STAG1: variants seen among roughly 807,000 people sequenced by gnomAD.
STAG1 encodes the protein cohesin subunit SA-1.
In STAG1, 26 loss-of-function variants were observed where a neutral mutation model predicts 170.9. The observed-to-expected ratio is 0.15, with a 90% CI of 0.11 to 0.21. The LOEUF is 0.21. STAG1 is among the 10% of genes least tolerant of loss of function. The pLI, the probability that STAG1 is intolerant of heterozygous loss-of-function variation, is 1.00. For missense variants in STAG1, 964 were observed against 1,509.5 expected, an observed-to-expected ratio of 0.64 and a Z score of 5.99; for synonymous variants, 514 against 497.7, an observed-to-expected ratio of 1.03 and a Z score of -0.44.
At chr3:136,609,287 T>C (rs545010308) in intron 3 of STAG1, 13 of 152,096 alleles carry the variant, frequency 8.5e-5, no homozygotes, top group African/African-American at 2.7e-4. Context: ...CTGGGCAACA[T>C]GGCGAAACCC....
intron 15 of STAG1, among the ~76,000 whole-genome samples, chr3:136,436,292 T>G (rs2088460099): frequency 6.6e-6 from 1 of 151,798 alleles, no homozygotes; most frequent in African/African-American, 2.4e-5. Context: ...ATATTTTTGG[T>G]TTTTTTGGAA....
intron 4 of STAG1, among the ~76,000 whole-genome samples, chr3:136,595,440 A>C (rs1233362399): frequency 6.6e-6 from 1 of 151,984 alleles, no homozygotes; most frequent in Non-Finnish European, 1.5e-5. Context: ...ATAAATTTGA[A>C]CTTTCTACTT....
chr3:136,617,236 C>T (rs2107824094), intron 3 of STAG1, among the ~76,000 whole-genome samples: 1 of 152,320 alleles, frequency 6.6e-6, no homozygotes, highest in African/African-American at 2.4e-5. Context: ...TCTGCTGAGT[C>T]CCTCATACTA....
rs71157379 is a variant in STAG1 at position 136,420,244 on chromosome 3, C to CAA, written c.2108+847_2108+848dup. Among the ~76,000 whole-genome samples, 75 of 36,862 alleles carry CAA rather than the reference C, an allele frequency of 2.0e-3. 1 individual carries two copies. The highest frequency in any genetic ancestry group is 2.8e-3 in the Admixed American group (10 of 3,610). 24.2% of individuals were successfully genotyped at this position (36,862 alleles called of 152,430 possible). A position where few individuals can be genotyped will look rare whatever the true frequency, so the allele number is the denominator to read the frequency against. On this transcript the variant is annotated intron_variant, in intron 20 of 33. Transcript: ENST00000383202. ...TCTGGGCGACAGAGTGAGACTCTGT[C>CAA]AAAAAAAAAAAAAAAAAAAAAAAAG...
intron 3 of STAG1, among the ~76,000 whole-genome samples, chr3:136,611,083 A>T (rs1288292327): frequency 6.6e-6 from 1 of 152,208 alleles, no homozygotes; most frequent in Non-Finnish European, 1.5e-5. Context: ...ATGGAACTCA[A>T]GTCTAAACAT....
intron 1 of STAG1, among the ~76,000 whole-genome samples, chr3:136,733,866 A>G (rs1227303020): frequency 3.9e-5 from 6 of 152,288 alleles, no homozygotes; most frequent in Non-Finnish European, 8.8e-5. Flanking sequence ...CCAGCGCTTC[A>G]GGAGGCCAAG....
intron 15 of STAG1, among the ~76,000 whole-genome samples, chr3:136,442,602 G>T (rs961288531): frequency 3.2e-4 from 49 of 151,844 alleles, no homozygotes; most frequent in Non-Finnish European, 6.0e-4. Context: ...AACAAAAGAG[G>T]GGATGGCTGT....
At chr3:136,434,526 T>A (rs1243222559) in intron 15 of STAG1, among the ~76,000 whole-genome samples, 2 of 152,234 alleles carry the variant, frequency 1.3e-5, no homozygotes, top group Non-Finnish European at 2.9e-5. Flanking sequence ...TCACCTTTCT[T>A]ATCAATCTGA....
intron 9 of STAG1, among the ~76,000 whole-genome samples, chr3:136,492,969 G>C (rs1187023277): frequency 1.3e-5 from 2 of 152,182 alleles, no homozygotes; most frequent in Non-Finnish European, 2.9e-5. Context: ...CTAGAGCAGT[G>C]CTTTGTGGAA....
chr3:136,542,291 A>G (rs1935948384), intron 5 of STAG1, 96 bp from the exon 6 acceptor site: 1 of 868,090 alleles, frequency 1.2e-6, no homozygotes, highest in African/African-American at 1.7e-5. Context: ...GAGAATCCCA[A>G]AAGAATAACC....
chr3:136,345,823 A>G (rs1936201585), intron 29 of STAG1, among the ~76,000 whole-genome samples: 1 of 152,100 alleles, frequency 6.6e-6, no homozygotes, highest in Admixed American at 6.6e-5. Flanking sequence ...TGTACATTCT[A>G]GATGGGCTTT....
intron 3 of STAG1, chr3:136,609,015 A>G (rs574329594): frequency 1.3e-5 from 2 of 152,252 alleles, no homozygotes; most frequent in African/African-American, 4.8e-5. Flanking sequence ...ACCATGGCCC[A>G]CTAGCACCCA....
chr3:136,433,802 T>A (rs2088379219), intron 15 of STAG1, 143 bp from the exon 16 acceptor site: 1 of 594,292 alleles, frequency 1.7e-6, no homozygotes, highest in South Asian at 2.1e-5. Flanking sequence ...ACTTTGCTAT[T>A]TTTTTTTTTA....
chr3:136,451,971 A>T (rs907799767), intron 14 of STAG1, 62 bp downstream of exon 14: 98 of 1,096,786 alleles, frequency 8.9e-5, no homozygotes, highest in Non-Finnish European at 1.3e-4. Context: ...AATTAAAATG[A>T]ATTGACATTT....
intron 16 of STAG1, among the ~76,000 whole-genome samples, chr3:136,426,238 T>G (rs1039228828): frequency 2.0e-5 from 3 of 151,866 alleles, no homozygotes; most frequent in Non-Finnish European, 4.4e-5. Flanking sequence ...AAACCCCGTC[T>G]CTACTAAAAA....
intron 5 of STAG1, among the ~76,000 whole-genome samples, chr3:136,545,876 A>G (rs1936134648): frequency 6.6e-6 from 1 of 152,204 alleles, no homozygotes; most frequent in African/African-American, 2.4e-5. Flanking sequence ...GGGGGAGGAA[A>G]AAAAACTAAT....
Position 136,476,555 on chromosome 3 carries a change from G to A in STAG1, c.1026+734C>T, listed in dbSNP as rs79097716. Reference sequence around the variant, plus strand: ...ATGGATGAGCAAAAGGCTGAGGACAGCTGTTCTCTGTAAAGTCACCACAGG... The same window carrying A: ...ATGGATGAGCAAAAGGCTGAGGACAACTGTTCTCTGTAAAGTCACCACAGG... On this transcript the variant is annotated intron_variant, in intron 10 of 33. Transcript: ENST00000383202. Among the ~76,000 whole-genome samples, 442 of 152,312 alleles carry A rather than the reference G, an allele frequency of 2.9e-3. 1 individual carries two copies. The highest frequency in any genetic ancestry group is 0.01 in the African/African-American group (426 of 41,582).
chr3:136,366,199 C>T (rs928727394), intron 25 of STAG1, among the ~76,000 whole-genome samples: 3 of 152,042 alleles, frequency 2.0e-5, no homozygotes, highest in Non-Finnish European at 4.4e-5. Flanking sequence ...AAAGGTTTAC[C>T]TCTCGAGCCT....
intron 4 of STAG1, among the ~76,000 whole-genome samples, chr3:136,589,574 T>C (rs1938040032): frequency 6.8e-6 from 1 of 146,732 alleles, no homozygotes; most frequent in Admixed American, 6.8e-5. Flanking sequence ...GAGGCGGAGG[T>C]TGCAGTGAGC....
Sources: allele counts gnomAD v4.1 joint callset (sites outside exome capture counted in the v4.1 genomes callset), GRCh38; gene constraint gnomAD v4.1.1; transcripts MANE v1.5; gene names NCBI Gene and HGNC (gene_info 2026-07-23, HGNC 2026-07-21).